Variants in SYT16 observed in about 807,000 individuals in gnomAD.
The protein encoded by SYT16 is synaptotagmin 16, also known as synaptotagmin-16.
A neutral mutation model predicts 61.4 loss-of-function variants in SYT16; 42 were observed. The observed-to-expected ratio is 0.68, with a 90% CI of 0.53 to 0.89. The LOEUF (loss-of-function observed/expected upper bound fraction) is 0.89. Among genes scored for constraint, SYT16 ranks in the 40% least tolerant of loss-of-function variants. The pLI is 0.00. For missense variants in SYT16, 804 were observed against 807.3 expected (o/e 1.00, Z 0.05); for synonymous variants, 314 against 302.3 (o/e 1.04, Z -0.40).
At chr14:61,965,227 A>C (rs189608375) in intron 1 of SYT16, among the ~76,000 whole-genome samples, 1 of 152,142 alleles carries the variant, frequency 6.6e-6, no homozygotes, top group Admixed American at 6.5e-5. Context: ...AGGCAATCCT[A>C]TAAGTCTTGT....
At chr14:61,943,242 A>C (rs575758836) in intron 1 of SYT16, among the ~76,000 whole-genome samples, 1 of 152,342 alleles carries the variant, frequency 6.6e-6, no homozygotes, top group African/African-American at 2.4e-5. Flanking sequence ...AGTAATTAAT[A>C]GCCTACCAAC....
intron 1 of SYT16, among the ~76,000 whole-genome samples, chr14:61,818,086 G>C (rs188192189): frequency 6.6e-6 from 1 of 152,238 alleles, no homozygotes; most frequent in Non-Finnish European, 1.5e-5. Flanking sequence ...AATAACGTTG[G>C]ACTCCTAATT....
chr14:61,975,999 A>G (rs777506234), intron 2 of SYT16, among the ~76,000 whole-genome samples: 1 of 152,214 alleles, frequency 6.6e-6, no homozygotes, highest in Non-Finnish European at 1.5e-5. Context: ...TCTTAGATAC[A>G]ATGCAGGTAC....
intron 3 of SYT16, among the ~76,000 whole-genome samples, chr14:62,023,120 G>A (rs982439315): frequency 2.3e-4 from 35 of 152,024 alleles, no homozygotes; most frequent in African/African-American, 7.2e-4. Context: ...CAAACATTGT[G>A]CATCAAAAAT....
At chr14:61,883,418 G>T (rs2047775102) in intron 1 of SYT16, among the ~76,000 whole-genome samples, 1 of 152,134 alleles carries the variant, frequency 6.6e-6, no homozygotes, top group South Asian at 2.1e-4. Flanking sequence ...TAGGGCAGAG[G>T]CAAAATGCCA....
chr14:61,978,791 C>T (rs1159090815), intron 2 of SYT16, among the ~76,000 whole-genome samples: 3 of 152,234 alleles, frequency 2.0e-5, no homozygotes, highest in African/African-American at 7.2e-5. Flanking sequence ...TTTAGTCCAC[C>T]TTGTGAGCAA....
At chr14:62,051,184 C>T (rs2055273081) in intron 3 of SYT16, among the ~76,000 whole-genome samples, 1 of 152,238 alleles carries the variant, frequency 6.6e-6, no homozygotes, top group Non-Finnish European at 1.5e-5. Context: ...GCGCCCCTCC[C>T]CCAGCCTCAC....
intron 1 of SYT16, among the ~76,000 whole-genome samples, chr14:61,889,885 C>CA (rs1173965416): frequency 2.6e-5 from 4 of 151,852 alleles, no homozygotes; most frequent in Admixed American, 2.0e-4. Flanking sequence ...TATTTTTTCT[C>CA]AAACTGGATT....
Position 62,107,523 on chromosome 14 carries a change from G to C in SYT16, c.*6816G>C, listed in dbSNP as rs1438674886. 1.3e-5 allele frequency: 2 copies of C among 152,098 alleles called. No individual in the cohort carries two copies. Among genetic ancestry groups the C allele is most frequent in the African/African-American group, 4.8e-5 (2 of 41,422 alleles). 9.4% of individuals were successfully genotyped at this position (152,098 alleles called of 1,614,324 possible). A position where few individuals can be genotyped will look rare whatever the true frequency, so the allele number is the denominator to read the frequency against. The stretch of plus-strand genomic sequence containing the variant: ...ATGGCAGATGGATAAAATAGTTTAA[G>C]TTCAACAATATTTTTTTGTTGTTTC... On this transcript the variant is annotated 3_prime_UTR_variant, in exon 8 of 8. Coordinates refer to ENST00000683842, the MANE Select transcript of SYT16 (RefSeq NM_001367656.1).
intron 1 of SYT16, among the ~76,000 whole-genome samples, chr14:61,884,305 A>T (rs1030050233): frequency 1.3e-5 from 2 of 152,220 alleles, no homozygotes; most frequent in Non-Finnish European, 2.9e-5. Flanking sequence ...TCTTGTAAAA[A>T]CATAAAAAAG....
chr14:61,862,736 T>A (rs760278653), intron 1 of SYT16, among the ~76,000 whole-genome samples: 9 of 152,230 alleles, frequency 5.9e-5, no homozygotes, highest in Non-Finnish European at 1.0e-4. Flanking sequence ...ACAGAGTAGT[T>A]TCACTGCCCT....
chr14:61,964,891 T>C (rs1375655038), intron 1 of SYT16, among the ~76,000 whole-genome samples: 1 of 151,034 alleles, frequency 6.6e-6, no homozygotes. Context: ...GGATCAGTGA[T>C]TTTTAGCTTT....
At chr14:61,815,834 AG>A (rs1214710976) in intron 1 of SYT16, among the ~76,000 whole-genome samples, 3 of 152,236 alleles carry the variant, frequency 2.0e-5, no homozygotes, top group African/African-American at 7.2e-5. Context: ...ACACAAAAGT[AG>A]TGAAGCGCTA....
chr14:62,083,040 C>A (rs1234928253), intron 6 of SYT16, among the ~76,000 whole-genome samples: 3 of 152,034 alleles, frequency 2.0e-5, no homozygotes, highest in Non-Finnish European at 4.4e-5. Context: ...TAAGAGTAAG[C>A]AAATATTTCA....
chr14:62,078,155 C>CTATATATATATATATATATATATATA (rs374965535), intron 5 of SYT16, among the ~76,000 whole-genome samples: 2 of 135,934 alleles, frequency 1.5e-5, no homozygotes, highest in African/African-American at 5.8e-5. Flanking sequence ...CTCTCTCTCT[C>CTATATATATATATATATATATATATA]TATATATATA....
At chr14:62,087,612 G>A (rs141063949) in intron 7 of SYT16, among the ~76,000 whole-genome samples, 92 of 152,346 alleles carry the variant, frequency 6.0e-4, no homozygotes, top group African/African-American at 2.1e-3. Flanking sequence ...AAGAGAGACA[G>A]CGGCTAGGAT....
At chr14:61,986,865 A>C (rs2052338763) in intron 2 of SYT16, among the ~76,000 whole-genome samples, 1 of 152,188 alleles carries the variant, frequency 6.6e-6, no homozygotes, top group African/African-American at 2.4e-5. Flanking sequence ...TGTGTATTCA[A>C]ATATTCAAAA....
intron 6 of SYT16, among the ~76,000 whole-genome samples, chr14:62,081,500 CA>C (rs2056706650): frequency 6.6e-6 from 1 of 152,114 alleles, no homozygotes; most frequent in African/African-American, 2.4e-5. Context: ...CATTTTAGGA[CA>C]AAATAGCAGC....
At chr14:62,062,934 T>C (rs1361835530) in intron 3 of SYT16, among the ~76,000 whole-genome samples, 1 of 152,220 alleles carries the variant, frequency 6.6e-6, no homozygotes, top group Non-Finnish European at 1.5e-5. Flanking sequence ...GGAGCTACTC[T>C]GATCATTTAT....
Sources: allele counts gnomAD v4.1 joint callset (sites outside exome capture counted in the v4.1 genomes callset), GRCh38; gene constraint gnomAD v4.1.1; transcripts MANE v1.5; gene names NCBI Gene and HGNC (gene_info 2026-07-23, HGNC 2026-07-21).